The following BCAS3 variants were observed in gnomAD, a reference collection of about 807,000 sequenced individuals.
BCAS3 encodes the protein BCAS4/BCAS3 fusion.
A neutral mutation model predicts 116.1 loss-of-function variants in BCAS3; 53 were observed. That is an observed-to-expected ratio of 0.46 (90% CI 0.37 to 0.57). The LOEUF is 0.57. Among genes scored for constraint, BCAS3 ranks in the 20% least tolerant of loss-of-function variants. The pLI is 0.00. For synonymous variants in BCAS3, 391 were observed against 408.2 expected (o/e 0.96, Z 0.51); for missense variants, 917 against 1,165.4 (o/e 0.79, Z 3.10).
At chr17:61,292,414 G>T (rs1390984095) in intron 22 of BCAS3, among the ~76,000 whole-genome samples, 1 of 152,142 alleles carries the variant, frequency 6.6e-6, no homozygotes, top group African/African-American at 2.4e-5. Flanking sequence ...ACTTTGGGAG[G>T]CCGAGGTGGG....
rs534997104 is a variant in BCAS3, at chr17:61,199,534, C to A, written c.2425+114970C>A. On this transcript the variant is annotated intron_variant, in intron 22 of 23. Coordinates refer to ENST00000407086, the MANE Select transcript of BCAS3 (RefSeq NM_017679.5). The surrounding 1 kb of genome is among the most constrained non-coding windows in gnomAD (Gnocchi z 4.6). ...TATTATCTAATCACATATTTTTTTC[C>A]CTTCTAATTTGTGCCCTGACTGCAC... 1.3e-5 allele frequency among the ~76,000 whole-genome samples: 2 copies of A among 152,082 alleles called. No homozygotes were observed. The highest frequency in any genetic ancestry group is 6.5e-5 in the Admixed American group (1 of 15,286).
chr17:60,812,975 TCAAG>T (rs1305718643), intron 7 of BCAS3, among the ~76,000 whole-genome samples: 2 of 152,124 alleles, frequency 1.3e-5, no homozygotes, highest in African/African-American at 4.8e-5. Flanking sequence ...ACTCCTGGCT[TCAAG>T]CAATCCTCCT....
intron 16 of BCAS3, among the ~76,000 whole-genome samples, chr17:61,033,161 A>G (rs987406613): frequency 3.9e-5 from 6 of 152,202 alleles, no homozygotes; most frequent in Admixed American, 3.9e-4. Context: ...GTGATATGGG[A>G]AAGTACTGCC....
chr17:60,784,932 C>T (rs2046158496), intron 6 of BCAS3, among the ~76,000 whole-genome samples: 1 of 151,782 alleles, frequency 6.6e-6, no homozygotes, highest in Admixed American at 6.5e-5. Context: ...CCAGTCTCTA[C>T]TAAAAATACA....
intron 19 of BCAS3, among the ~76,000 whole-genome samples, chr17:61,066,472 ATT>A (rs1486939999): frequency 1.3e-5 from 2 of 152,128 alleles, no homozygotes; most frequent in African/African-American, 4.8e-5. Flanking sequence ...GGATACAGAT[ATT>A]TTTATTTTTA....
At chr17:61,164,319 G>A (rs913085143) in intron 22 of BCAS3, among the ~76,000 whole-genome samples, 3 of 152,112 alleles carry the variant, frequency 2.0e-5, no homozygotes, top group Non-Finnish European at 4.4e-5. Context: ...TGTTGGAAAT[G>A]TAATCTCCAA....
intron 6 of BCAS3, among the ~76,000 whole-genome samples, chr17:60,751,171 A>AT (rs1422892637): frequency 1.3e-5 from 2 of 152,196 alleles, no homozygotes; most frequent in Non-Finnish European, 2.9e-5. Context: ...TTTAATGGGC[A>AT]TTTACTCATG....
rs2057729291 is a variant in BCAS3, at chr17:61,349,927, G to C, written c.2426-18400G>C. ...TGCAAATTTGTGAAATTCAAACATT[G>C]TCATTCATTTCTGAATAGTTAAGAT... On this transcript the variant is annotated intron_variant, in intron 22 of 23. Transcript: ENST00000407086. This position sits in a 1 kb window ranked among gnomAD's most constrained non-coding sequence, Gnocchi z 4.7. Among the ~76,000 whole-genome samples the C allele has an allele frequency of 6.6e-6, 1 of 152,192 alleles. No individual in the cohort carries two copies. Among genetic ancestry groups the C allele is most frequent in the Non-Finnish European group, 1.5e-5 (1 of 68,032 alleles).
chr17:60,984,613 A>G (rs1237172119), intron 14 of BCAS3, among the ~76,000 whole-genome samples: 1 of 152,190 alleles, frequency 6.6e-6, no homozygotes, highest in East Asian at 1.9e-4. Context: ...TCAAGCATGT[A>G]TCCTCTGTGT....
In BCAS3 at chr17:61,227,034, G is replaced by A. The variant is rs1019980634; in HGVS notation, c.2426-141293G>A. ...ATGGAGACTGGGAGAGGAGTTCCAG[G>A]TTGGGGTGTATGAGGTGGTTAACTG... is the stretch of plus-strand genomic sequence containing the variant. On this transcript the variant is annotated intron_variant, in intron 22 of 23. Transcript: ENST00000407086. This position sits in a 1 kb window ranked among gnomAD's most constrained non-coding sequence, Gnocchi z 6.1. Among the ~76,000 whole-genome samples the A allele has an allele frequency of 3.9e-4, 59 of 152,226 alleles. No homozygotes were observed. Among genetic ancestry groups the A allele is most frequent in the Non-Finnish European group, 1.9e-4 (13 of 68,050 alleles).
At chr17:60,790,269 T>C (rs2144534972) in intron 6 of BCAS3, among the ~76,000 whole-genome samples, 1 of 152,282 alleles carries the variant, frequency 6.6e-6, no homozygotes, top group South Asian at 2.1e-4. Context: ...ATCACAACAT[T>C]CTTGCCAGTA....
chr17:60,984,217 T>C (rs999815297), intron 14 of BCAS3, among the ~76,000 whole-genome samples: 15 of 152,344 alleles, frequency 9.8e-5, no homozygotes, highest in African/African-American at 3.1e-4. Flanking sequence ...GTAGCAGTTT[T>C]CTAGCAATGA....
At position 61,214,379 on chromosome 17, in the gene BCAS3, A is replaced by G. The variant is rs2081648330; in HGVS notation, c.2425+129815A>G. Among the ~76,000 whole-genome samples the G allele has an allele frequency of 6.6e-6, 1 of 151,480 alleles. No individual in the cohort carries two copies. The highest frequency in any genetic ancestry group is 1.5e-5 in the Non-Finnish European group (1 of 67,926). ...AAGACCCTATCTCAAAAATAAATAA[A>G]TAAATAAATAAATAAATATTTTAGG... On this transcript the variant is annotated intron_variant, in intron 22 of 23. Coordinates refer to ENST00000407086, the MANE Select transcript of BCAS3 (RefSeq NM_017679.5). The surrounding 1 kb of genome is among the most constrained non-coding windows in gnomAD (Gnocchi z 4.4).
chr17:61,269,671 A>G (rs1438342772), intron 22 of BCAS3, among the ~76,000 whole-genome samples: 6 of 152,108 alleles, frequency 3.9e-5, no homozygotes, highest in African/African-American at 1.2e-4. Flanking sequence ...GTGATCTACC[A>G]TTGTGATTCT....
chr17:60,913,289 C>A (rs1474603056), intron 12 of BCAS3, among the ~76,000 whole-genome samples: 1 of 151,840 alleles, frequency 6.6e-6, no homozygotes, highest in Non-Finnish European at 1.5e-5. Flanking sequence ...GTTAGTAGCC[C>A]CAATCTTCCA....
intron 5 of BCAS3, among the ~76,000 whole-genome samples, chr17:60,741,788 G>A (rs2041573621): frequency 6.6e-6 from 1 of 152,064 alleles, no homozygotes; most frequent in Non-Finnish European, 1.5e-5. Context: ...AATCACATTG[G>A]AAAATTAAAT....
rs1306673180 is a variant in BCAS3, at chr17:61,251,293, G to A, written c.2426-117034G>A. Reference sequence around the variant, plus strand: ...CCTTGCTGAAAAAAAGACTGGGCTGGGTGTGGTGGCTCATGCCTGTAATCC... The same window carrying A: ...CCTTGCTGAAAAAAAGACTGGGCTGAGTGTGGTGGCTCATGCCTGTAATCC... On this transcript the variant is annotated intron_variant, in intron 22 of 23. Transcript: ENST00000407086. This position sits in a 1 kb window ranked among gnomAD's most constrained non-coding sequence, Gnocchi z 4.7. 6.6e-6 allele frequency among the ~76,000 whole-genome samples: 1 copy of A among 152,166 alleles called. No homozygotes were observed. Among genetic ancestry groups the A allele is most frequent in the African/African-American group, 2.4e-5 (1 of 41,446 alleles).
In BCAS3 at chr17:60,683,505, C is replaced by CTTTTTT. The variant is rs138663451; in HGVS notation, c.84-443_84-438dup. ...GAAATATCAGGTGATAAGAGTTAGC[C>CTTTTTT]TTTTTTTTTTTTTTTTTTTTTTTTT... On this transcript the variant is annotated intron_variant, in intron 2 of 23. Coordinates refer to ENST00000407086, the MANE Select transcript of BCAS3 (RefSeq NM_017679.5). 1.8e-4 allele frequency among the ~76,000 whole-genome samples: 8 copies of CTTTTTT among 44,482 alleles called. 2 individuals carry two copies. Among genetic ancestry groups the CTTTTTT allele is most frequent in the Non-Finnish European group, 3.1e-4 (7 of 22,950 alleles). 29.2% of individuals were successfully genotyped at this position (44,482 alleles called of 152,430 possible).
At chr17:60,816,685 A>G (rs766603432) in intron 7 of BCAS3, among the ~76,000 whole-genome samples, 3 of 152,170 alleles carry the variant, frequency 2.0e-5, no homozygotes, top group Admixed American at 1.3e-4. Flanking sequence ...TATGCAAAAC[A>G]TTTTATTTGA....
Sources: allele counts gnomAD v4.1 joint callset (sites outside exome capture counted in the v4.1 genomes callset), GRCh38; gene constraint gnomAD v4.1.1; non-coding constraint Gnocchi (gnomAD v3.1); transcripts MANE v1.5; gene names NCBI Gene and HGNC (gene_info 2026-07-23, HGNC 2026-07-21).